PTPRF: variants seen among roughly 807,000 people sequenced by gnomAD.
The protein encoded by PTPRF is receptor-type tyrosine-protein phosphatase F.
PTPRF carries 59 observed loss-of-function variants against 201.8 expected under a neutral mutation model. That is an observed-to-expected ratio of 0.29 (90% CI 0.24 to 0.36). The LOEUF is 0.36. Ranked by LOEUF, PTPRF falls within the 10% of genes least tolerant of loss-of-function variation. The pLI is 1.00. For missense variants in PTPRF, 2,132 were observed against 2,690.5 expected, an observed-to-expected ratio of 0.79 and a Z score of 4.59; for synonymous variants, 1,088 against 1,089.7, an observed-to-expected ratio of 1.00 and a Z score of 0.03.
chr1:43,530,241 G>A (rs549787113), upstream of PTPRF, among the ~76,000 whole-genome samples: 14 of 151,652 alleles, frequency 9.2e-5, no homozygotes, highest in Admixed American at 6.6e-4. The surrounding 1 kb of genome is among the most constrained non-coding windows in gnomAD (Gnocchi z 4.1). Flanking sequence ...GAATGGGAGA[G>A]CAGTACTGGA....
At chr1:43,600,546 T>G (rs1653501662) in intron 13 of PTPRF, among the ~76,000 whole-genome samples, 1 of 151,914 alleles carries the variant, frequency 6.6e-6, no homozygotes, top group African/African-American at 2.4e-5. Context: ...AGGGCCCAGC[T>G]GTCCCTGTGC....
At chr1:43,570,899 C>G (rs570575673) in intron 6 of PTPRF, among the ~76,000 whole-genome samples, 2 of 152,318 alleles carry the variant, frequency 1.3e-5, no homozygotes, top group South Asian at 4.1e-4. Flanking sequence ...TGTTTGTGGC[C>G]GCTGCCCAGC....
intron 3 of PTPRF, among the ~76,000 whole-genome samples, chr1:43,545,583 G>A (rs1279170555): frequency 2.0e-5 from 3 of 152,102 alleles, no homozygotes; most frequent in Admixed American, 2.0e-4. Context: ...CCAGGACGCG[G>A]GTGTGTCCAT....
chr1:43,597,415 T>C (rs1168615535), intron 11 of PTPRF, among the ~76,000 whole-genome samples: 2 of 152,206 alleles, frequency 1.3e-5, no homozygotes, highest in Non-Finnish European at 1.5e-5. Context: ...ACCCTGTGTG[T>C]GTGACACAGC....
At chr1:43,605,480 C>T in intron 18 of PTPRF, 37 bp downstream of exon 18, 1 of 1,612,026 alleles carries the variant, frequency 6.2e-7, no homozygotes, top group Non-Finnish European at 8.5e-7. Flanking sequence ...CGGGGCAGGG[C>T]TGGAGGTAAC....
intron 12 of PTPRF, 123 bp from the exon 13 acceptor site, chr1:43,598,597 A>G (rs2154021313): frequency 3.3e-6 from 3 of 915,656 alleles, no homozygotes; most frequent in Non-Finnish European, 5.0e-6. Flanking sequence ...GATCTAAGGA[A>G]ACTGTATCAG....
rs1333184915 is a variant in PTPRF, at chr1:43,532,918, CT to C, written c.-126+1829del. Among the ~76,000 whole-genome samples the C allele has an allele frequency of 2.0e-5, 3 of 152,282 alleles. 1 individual carries two copies. In the East Asian group the frequency reaches 5.8e-4, roughly 29 times the overall value. ...CCCTATTCAGCTGCTTTCTTGCCCC[CT>C]CTCGCATACCTGGGCCCGCATGCCG... On this transcript the variant is annotated intron_variant, in intron 1 of 33. Coordinates refer to ENST00000359947, the MANE Select transcript of PTPRF (RefSeq NM_002840.5).
intron 5 of PTPRF, among the ~76,000 whole-genome samples, chr1:43,566,302 C>T (rs964915739): frequency 6.6e-6 from 1 of 152,230 alleles, no homozygotes; most frequent in Non-Finnish European, 1.5e-5. Flanking sequence ...CCTGGTTGCC[C>T]ATGTACCTCA....
intron 32 of PTPRF, 30 bp from the exon 33 acceptor site, chr1:43,621,067 G>A: frequency 1.9e-6 from 3 of 1,612,196 alleles, no homozygotes; most frequent in Non-Finnish European, 2.5e-6. Flanking sequence ...AGGCAAGCAG[G>A]ACTCCTGACC....
rs1297394345 is a variant in PTPRF, at chr1:43,598,011, G to A, written c.2077G>A (p.Gly693Ser). 2.0e-6 allele frequency: 3 copies of A among 1,521,882 alleles called. No homozygotes were observed. The highest frequency in any genetic ancestry group is 1.3e-5 in the South Asian group (1 of 79,954). 94.3% of individuals were successfully genotyped at this position (1,521,882 alleles called of 1,614,324 possible). A position where few individuals can be genotyped will look rare whatever the true frequency, so the allele number is the denominator to read the frequency against. ...WVRAHTDVGPGPESSPVLVRT... is the reference protein window; with the variant it reads ...WVRAHTDVGPSPESSPVLVRT... ...GCGGGCACACACAGACGTGGGCCCC[G>A]GCCCCGAGAGCAGCCCGGTGCTGGT... The change falls in exon 12 of 34, where the codon GGC becomes AGC. Residue 693 changes from glycine to serine, a missense_variant. Around this residue, in one of 6 missense-constraint regions of PTPRF, gnomAD observed 125 missense variants for 211.9 expected, o/e 0.59. Transcript: ENST00000359947.
chr1:43,563,275 C>T (rs1231554659), intron 5 of PTPRF, among the ~76,000 whole-genome samples: 1 of 151,506 alleles, frequency 6.6e-6, no homozygotes, highest in African/African-American at 2.4e-5. Context: ...GGCTCTGGGG[C>T]TGGGTAGGTG....
Position 43,597,932 on chromosome 1 carries a change from C to A in PTPRF, c.1998C>A (p.His666Gln). Residue 666 changes from histidine to glutamine, a missense_variant, in exon 12 of 34, where the codon CAC becomes CAA. Physicochemically the swap from His to Gln is conservative, Grantham distance 24 (BLOSUM62 0). This residue lies in a region of PTPRF where 125 missense variants were observed against 211.9 expected (regional missense o/e 0.59). Transcript: ENST00000359947. ...TGGTGGATGGCATCAGCCGTGAGCA[C>A]TCCAGCTGGGACCTGGTGGGCCTGG... is the stretch of plus-strand genomic sequence containing the variant. ...RHVVDGISRE[H>Q]SSWDLVGLEK... The A allele has an allele frequency of 6.3e-7, 1 of 1,591,266 alleles. No homozygotes were observed. Among genetic ancestry groups the A allele is most frequent in the South Asian group, 1.1e-5 (1 of 87,166 alleles).
intron 5 of PTPRF, among the ~76,000 whole-genome samples, chr1:43,569,350 T>C (rs967585574): frequency 6.6e-6 from 1 of 152,022 alleles, no homozygotes; most frequent in Non-Finnish European, 1.5e-5. Context: ...AGGCGTTGCC[T>C]CTCAGACCTG....
At position 43,622,924 on chromosome 1, in the gene PTPRF, T is replaced by G. The variant is rs1292251878; in HGVS notation, c.*921T>G. 6.6e-6 allele frequency: 1 copy of G among 151,810 alleles called. No individual in the cohort carries two copies. The highest frequency in any genetic ancestry group is 2.4e-5 in the African/African-American group (1 of 41,296). 9.4% of individuals were successfully genotyped at this position (151,810 alleles called of 1,614,324 possible). On this transcript the variant is annotated 3_prime_UTR_variant, in exon 34 of 34. Coordinates refer to ENST00000359947, the MANE Select transcript of PTPRF (RefSeq NM_002840.5). ...AAAAAAAAAAGAGTCAGCCCTTGGC[T>G]TCTGCTTCAAACCCTCAAGAGGGGA...
chr1:43,568,068 G>T (rs968928762), intron 5 of PTPRF, among the ~76,000 whole-genome samples: 2 of 152,082 alleles, frequency 1.3e-5, no homozygotes, highest in Non-Finnish European at 1.5e-5. Context: ...GGCCGAGGCG[G>T]GTAGATCACC....
chr1:43,599,733 T>TG (rs3838476), intron 13 of PTPRF, among the ~76,000 whole-genome samples: 39,529 of 152,092 alleles, frequency 0.26, 6,093 homozygotes, highest in East Asian at 0.48. Context: ...CTTGGAATGC[T>TG]GGGGGGTTAT....
At chr1:43,561,422 G>T (rs1645799910) in intron 5 of PTPRF, among the ~76,000 whole-genome samples, 1 of 152,144 alleles carries the variant, frequency 6.6e-6, no homozygotes, top group Non-Finnish European at 1.5e-5. Context: ...GCTATTGCAG[G>T]CACAAGATGG....
chr1:43,614,733 C>A (rs980422269), intron 23 of PTPRF, among the ~76,000 whole-genome samples: 1 of 152,124 alleles, frequency 6.6e-6, no homozygotes, highest in Non-Finnish European at 1.5e-5. Flanking sequence ...TGCCTGTAGT[C>A]CCAGCTATTT....
chr1:43,553,966 G>A lies in PTPRF; in HGVS notation c.379+25G>A, dbSNP rs369600496. 7.8e-5 allele frequency: 126 copies of A among 1,611,552 alleles called. No individual in the cohort carries two copies. The highest frequency in any genetic ancestry group is 1.0e-4 in the Non-Finnish European group (118 of 1,178,266). Reference sequence around the variant, plus strand: ...GGTACGTGCTAGGGAGACGTGGCACGGTGGGCTGCCGGGCTGAGGCGTGGG... The same window carrying A: ...GGTACGTGCTAGGGAGACGTGGCACAGTGGGCTGCCGGGCTGAGGCGTGGG... On this transcript the variant is annotated intron_variant, in intron 5 of 33. Coordinates refer to ENST00000359947, the MANE Select transcript of PTPRF (RefSeq NM_002840.5). The surrounding 1 kb of genome is among the most constrained non-coding windows in gnomAD (Gnocchi z 4.1).
Sources: gnomAD v4.1 joint callset for allele counts (sites outside exome capture counted in the v4.1 genomes callset) on GRCh38, gnomAD v4.1.1 for gene constraint, gnomAD v4.1.1 regional missense constraint, Gnocchi (gnomAD v3.1) non-coding constraint, MANE v1.5 for transcripts, NCBI Gene and HGNC (gene_info 2026-07-23, HGNC 2026-07-21) for gene names.